The following LRMDA variants were observed in gnomAD, a reference collection of about 807,000 sequenced individuals.
LRMDA encodes leucine rich melanocyte differentiation associated, also known as leucine-rich melanocyte differentiation-associated protein.
LRMDA carries 18 observed loss-of-function variants against 29.8 expected under a neutral mutation model. That is an observed-to-expected ratio of 0.60 (90% CI 0.42 to 0.90). The LOEUF (loss-of-function observed/expected upper bound fraction) is 0.90, where lower values mean the gene tolerates loss of function less well. Ranked by LOEUF, LRMDA falls within the 40% of genes least tolerant of loss-of-function variation. The pLI is 0.00. For missense variants in LRMDA, 273 were observed against 273.9 expected (o/e 1.00, Z 0.02); for synonymous variants, 125 against 109.4 (o/e 1.14, Z -0.89).
chr10:76,281,436 C>T (rs74148408), intron 5 of LRMDA, among the ~76,000 whole-genome samples: 5,073 of 152,190 alleles, frequency 0.033, 123 homozygotes, highest in Middle Eastern at 0.095. Flanking sequence ...TTCTGGGGTA[C>T]ATAACGGCCC....
intron 2 of LRMDA, among the ~76,000 whole-genome samples, chr10:75,952,939 G>A (rs1214252547): frequency 6.6e-6 from 1 of 150,786 alleles, no homozygotes; most frequent in East Asian, 2.0e-4. Flanking sequence ...ATTTTTAGTA[G>A]AGATGGGGTT....
chr10:76,177,023 G>C (rs1304918681), intron 5 of LRMDA, among the ~76,000 whole-genome samples: 1 of 152,166 alleles, frequency 6.6e-6, no homozygotes, highest in African/African-American at 2.4e-5. Flanking sequence ...CAGGACCTGG[G>C]CACCCAATGG....
chr10:76,527,762 A>C (rs1472711740), intron 6 of LRMDA, among the ~76,000 whole-genome samples: 2 of 151,976 alleles, frequency 1.3e-5, no homozygotes, highest in Non-Finnish European at 2.9e-5. Flanking sequence ...AAACTCTAAA[A>C]CTCCATGGGA....
rs151230472 is a variant in LRMDA, at chr10:76,492,101, G to A, written c.602-65108G>A. Among the ~76,000 whole-genome samples, 366 of 151,934 alleles carry A rather than the reference G, an allele frequency of 2.4e-3. 2 individuals carry two copies. Among genetic ancestry groups the A allele is most frequent in the African/African-American group, 8.3e-3 (346 of 41,464 alleles). On this transcript the variant is annotated intron_variant, in intron 6 of 6. Transcript: ENST00000611255. ...ATAAAATTCTGAATTCCTTCTCTTC[G>A]TTATCTTGAATTTCTTTGAGCTTCC...
chr10:76,476,692 C>T (rs1413021218), intron 6 of LRMDA, among the ~76,000 whole-genome samples: 1 of 152,104 alleles, frequency 6.6e-6, no homozygotes, highest in African/African-American at 2.4e-5. Context: ...CATCAAAAAC[C>T]TTATCCACCA....
chr10:75,692,219 A>ATATATATATATAT (rs1554820676), intron 2 of LRMDA, among the ~76,000 whole-genome samples: 3 of 87,544 alleles, frequency 3.4e-5, no homozygotes, highest in African/African-American at 1.7e-4. Flanking sequence ...AAAAAAAAAA[A>ATATATATATATAT]ATATATATAT....
intron 2 of LRMDA, among the ~76,000 whole-genome samples, chr10:75,775,755 G>A (rs1843303489): frequency 6.6e-6 from 1 of 152,182 alleles, no homozygotes; most frequent in Admixed American, 6.5e-5. Context: ...AATTCTTATG[G>A]CATTGTCCAA....
At chr10:75,893,134 A>G (rs891287795) in intron 2 of LRMDA, among the ~76,000 whole-genome samples, 1 of 152,198 alleles carries the variant, frequency 6.6e-6, no homozygotes, top group African/African-American at 2.4e-5. Flanking sequence ...GTTTGGTAGC[A>G]TGCACATGGG....
intron 6 of LRMDA, among the ~76,000 whole-genome samples, chr10:76,370,942 A>G (rs1259702725): frequency 1.3e-5 from 2 of 152,116 alleles, no homozygotes; most frequent in African/African-American, 4.8e-5. Context: ...ACAAAGGGGG[A>G]CTACTGTAAG....
At chr10:76,267,822 A>G (rs1192203678) in intron 5 of LRMDA, among the ~76,000 whole-genome samples, 1 of 152,172 alleles carries the variant, frequency 6.6e-6, no homozygotes, top group Admixed American at 6.6e-5. Flanking sequence ...CTAGAATGGT[A>G]CCCAATCTAT....
At chr10:76,516,529 G>A (rs1339549749) in intron 6 of LRMDA, among the ~76,000 whole-genome samples, 4 of 151,268 alleles carry the variant, frequency 2.6e-5, no homozygotes, top group Admixed American at 6.6e-5. Flanking sequence ...AGAGTGTGAT[G>A]TTCCCCTTCT....
intron 5 of LRMDA, among the ~76,000 whole-genome samples, chr10:76,176,355 A>G (rs1850934580): frequency 6.6e-6 from 1 of 152,180 alleles, no homozygotes; most frequent in Non-Finnish European, 1.5e-5. Flanking sequence ...GGTAATGAAT[A>G]CCGATTACAA....
intron 5 of LRMDA, among the ~76,000 whole-genome samples, chr10:76,170,613 C>T (rs1850817553): frequency 6.6e-6 from 1 of 152,194 alleles, no homozygotes; most frequent in African/African-American, 2.4e-5. Context: ...TGCCCTAAAA[C>T]TCTTCCCTTC....
At chr10:76,443,688 T>C (rs904810852) in intron 6 of LRMDA, among the ~76,000 whole-genome samples, 2 of 152,288 alleles carry the variant, frequency 1.3e-5, no homozygotes, top group South Asian at 4.2e-4. Context: ...TAGGTGAGAT[T>C]TTTCATATGC....
intron 6 of LRMDA, among the ~76,000 whole-genome samples, chr10:76,470,216 A>G (rs1025684319): frequency 4.6e-5 from 7 of 152,154 alleles, no homozygotes; most frequent in African/African-American, 1.4e-4. Context: ...GGCTGAAAGC[A>G]GTACACCCCA....
chr10:75,475,852 C>G (rs1432067719), intron 2 of LRMDA, among the ~76,000 whole-genome samples: 1 of 152,088 alleles, frequency 6.6e-6, no homozygotes, highest in Non-Finnish European at 1.5e-5. Context: ...TACCACTTTT[C>G]CCCCCAATAG....
Position 75,740,170 on chromosome 10 carries a change from A to G in LRMDA, c.132-295838A>G, listed in dbSNP as rs146088292. Among the ~76,000 whole-genome samples the G allele has an allele frequency of 4.9e-3, 750 of 152,388 alleles. 7 individuals carry two copies. The highest frequency in any genetic ancestry group is 0.017 in the African/African-American group (705 of 41,596). Reference sequence around the variant, plus strand: ...TAAAATAAATGCGTGCTTTTAGAATAGGCTGTAGTTACATTCCTCTCCCAT... The same window carrying G: ...TAAAATAAATGCGTGCTTTTAGAATGGGCTGTAGTTACATTCCTCTCCCAT... On this transcript the variant is annotated intron_variant, in intron 2 of 6. Coordinates refer to ENST00000611255, the MANE Select transcript of LRMDA (RefSeq NM_001305581.2).
intron 2 of LRMDA, among the ~76,000 whole-genome samples, chr10:76,029,803 C>T (rs1848119560): frequency 6.6e-6 from 1 of 152,148 alleles, no homozygotes; most frequent in African/African-American, 2.4e-5. Flanking sequence ...TTGAATTTTA[C>T]TGTCTGCAGT....
intron 6 of LRMDA, among the ~76,000 whole-genome samples, chr10:76,340,367 A>T (rs1041711123): frequency 3.3e-5 from 5 of 151,690 alleles, no homozygotes; most frequent in Admixed American, 3.3e-4. Flanking sequence ...AATACAAAAA[A>T]TAGCTGGGCA....
Sources: gnomAD v4.1 joint callset for allele counts (sites outside exome capture counted in the v4.1 genomes callset) on GRCh38, gnomAD v4.1.1 for gene constraint, MANE v1.5 for transcripts, NCBI Gene and HGNC (gene_info 2026-07-23, HGNC 2026-07-21) for gene names.